Variants in TMOD1 observed in about 807,000 individuals in gnomAD.
TMOD1 encodes the protein tropomodulin-1.
In TMOD1, 17 loss-of-function variants were observed where a neutral mutation model predicts 40.6. The observed-to-expected ratio is 0.42, with a 90% CI of 0.29 to 0.63. The LOEUF is 0.63. Ranked by LOEUF, TMOD1 falls within the 20% of genes least tolerant of loss-of-function variation. TMOD1 has a pLI of 0.22. For synonymous variants in TMOD1, 181 were observed against 175.0 expected (o/e 1.03, Z -0.27); for missense variants, 391 against 447.6 (o/e 0.87, Z 1.14).
chr9:97,559,817 A>C (rs1353549160), intron 4 of TMOD1, among the ~76,000 whole-genome samples: 5,269 of 43,248 alleles, frequency 0.12, 392 homozygotes, highest in South Asian at 0.26. Flanking sequence ...ATATATATAT[A>C]TATATATGTC....
chr9:97,593,305 C>A (rs1038357867), intron 9 of TMOD1, among the ~76,000 whole-genome samples: 1 of 152,162 alleles, frequency 6.6e-6, no homozygotes, highest in African/African-American at 2.4e-5. Context: ...TGAAAACTCT[C>A]CCAGTCCTGT....
chr9:97,546,786 G>A (rs560752534), intron 3 of TMOD1, among the ~76,000 whole-genome samples: 38 of 151,958 alleles, frequency 2.5e-4, no homozygotes, highest in African/African-American at 7.0e-4. Context: ...AAAATTAGCC[G>A]AGCATGGTGG....
At chr9:97,566,474 C>T (rs1830729654) in intron 7 of TMOD1, among the ~76,000 whole-genome samples, 2 of 152,136 alleles carry the variant, frequency 1.3e-5, no homozygotes, top group East Asian at 3.9e-4. Flanking sequence ...AGTTCGAGAC[C>T]AGCCTGGCCA....
chr9:97,502,869 G>C lies in TMOD1; in HGVS notation c.-49+1066G>C, dbSNP rs1829527967. ...CAGGGGCAGTGGTTCCAGTACAGCC[G>C]CTCCCTGGCCACAGTTTCCCGGTCT... On this transcript the variant is annotated intron_variant, in intron 1 of 9. Coordinates refer to ENST00000259365, the MANE Select transcript of TMOD1 (RefSeq NM_003275.4). This position sits in a 1 kb window ranked among gnomAD's most constrained non-coding sequence, Gnocchi z 6.1. Among the ~76,000 whole-genome samples the C allele has an allele frequency of 1.3e-5, 2 of 152,154 alleles. No homozygotes were observed. The highest frequency in any genetic ancestry group is 6.5e-5 in the Admixed American group (1 of 15,278).
chr9:97,548,705 A>G (rs111421341), intron 3 of TMOD1, among the ~76,000 whole-genome samples: 3 of 152,288 alleles, frequency 2.0e-5, no homozygotes, highest in African/African-American at 7.2e-5. Context: ...CCAGAGCTGG[A>G]CTGTCTTCAT....
intron 1 of TMOD1, among the ~76,000 whole-genome samples, chr9:97,509,490 G>A (rs950242572): frequency 4.0e-5 from 6 of 148,920 alleles, no homozygotes; most frequent in African/African-American, 9.9e-5. Context: ...GTTTTTCTTC[G>A]CTAATAGAGG....
Position 97,601,564 on chromosome 9 carries a change from T to TATCA in TMOD1, c.*1867_*1870dup. ...ACATCTTTAAGGCCACCTCTGCCTCTATCAGATGAGCTGCTGGTCTAGATC... is the reference window on the plus strand; with the variant it reads ...ACATCTTTAAGGCCACCTCTGCCTCTATCAATCAGATGAGCTGCTGGTCTAGATC... On this transcript the variant is annotated 3_prime_UTR_variant, in exon 10 of 10. Coordinates refer to ENST00000259365, the MANE Select transcript of TMOD1 (RefSeq NM_003275.4). The TATCA allele has an allele frequency of 3.0e-6, 3 of 988,200 alleles. No individual in the cohort carries two copies. Among genetic ancestry groups the TATCA allele is most frequent in the Non-Finnish European group, 3.6e-6 (3 of 831,790 alleles). The allele number at this position is 988,200 out of a possible 1,614,324, so 61.2% of individuals were successfully genotyped here. A position where few individuals can be genotyped will look rare whatever the true frequency, so the allele number is the denominator to read the frequency against.
At position 97,601,731 on chromosome 9, in the gene TMOD1, G is replaced by A; in HGVS notation, c.*2033G>A. On this transcript the variant is annotated 3_prime_UTR_variant, in exon 10 of 10. Transcript: ENST00000259365. The stretch of plus-strand genomic sequence containing the variant: ...GTGTGGCTGTTCAATAAACTATACA[G>A]TTGACCCTTGAACAATATGGGTTTG... The A allele has an allele frequency of 3.8e-6, 1 of 265,042 alleles. No homozygotes were observed. The highest frequency in any genetic ancestry group is 5.8e-6 in the Non-Finnish European group (1 of 171,248). 16.4% of individuals were successfully genotyped at this position (265,042 alleles called of 1,614,324 possible).
intron 8 of TMOD1, among the ~76,000 whole-genome samples, chr9:97,581,475 A>G (rs1173251259): frequency 6.6e-6 from 1 of 152,066 alleles, no homozygotes; most frequent in Non-Finnish European, 1.5e-5. Flanking sequence ...GTGTCTTTAT[A>G]GCAGCATGAT....
At chr9:97,552,567 T>G (rs889594744) in intron 3 of TMOD1, among the ~76,000 whole-genome samples, 2 of 152,238 alleles carry the variant, frequency 1.3e-5, no homozygotes, top group Non-Finnish European at 2.9e-5. Context: ...TGTTGTTGAG[T>G]AAATAAATAT....
At chr9:97,524,497 G>GGTGT (rs71369515) in intron 2 of TMOD1, among the ~76,000 whole-genome samples, 189 bp downstream of exon 2, 30,368 of 142,710 alleles carry the variant, frequency 0.21, 3,575 homozygotes, top group Non-Finnish European at 0.26. Flanking sequence ...GAACCAATAG[G>GGTGT]GTGTGTGTGT....
chr9:97,565,362 T>G (rs1242053239), intron 6 of TMOD1, among the ~76,000 whole-genome samples: 2 of 152,178 alleles, frequency 1.3e-5, no homozygotes, highest in East Asian at 3.9e-4. Context: ...GAGTCTCTGA[T>G]GTGCCGCTGG....
In TMOD1 at chr9:97,502,124, C is replaced by T. The variant is rs1829511945; in HGVS notation, c.-49+321C>T. ...CCGGGGTTCTGGAGGAGACGGCGCC[C>T]CGGGCTGGGGTCCTGGCGGAGGGGC... On this transcript the variant is annotated intron_variant, in intron 1 of 9. Coordinates refer to ENST00000259365, the MANE Select transcript of TMOD1 (RefSeq NM_003275.4). The surrounding 1 kb of genome is among the most constrained non-coding windows in gnomAD (Gnocchi z 6.1). Among the ~76,000 whole-genome samples, 2 of 152,034 alleles carry T rather than the reference C, an allele frequency of 1.3e-5. No individual in the cohort carries two copies. Among genetic ancestry groups the T allele is most frequent in the Non-Finnish European group, 2.9e-5 (2 of 67,974 alleles).
Position 97,566,649 on chromosome 9 carries a change from C to T in TMOD1, c.726+694C>T, listed in dbSNP as rs113905449. Among the ~76,000 whole-genome samples, 266 of 151,744 alleles carry T rather than the reference C, an allele frequency of 1.8e-3. 1 individual carries two copies. The highest frequency in any genetic ancestry group is 6.1e-3 in the African/African-American group (250 of 41,316). On this transcript the variant is annotated intron_variant, in intron 7 of 9. Coordinates refer to ENST00000259365, the MANE Select transcript of TMOD1 (RefSeq NM_003275.4). ...TTGCACCACTATACTCCAGCTTGGG[C>T]GACAGAGCGAGGCTCCATCACAAAA...
At chr9:97,535,036 A>G (rs1458105911) in intron 2 of TMOD1, among the ~76,000 whole-genome samples, 1 of 152,174 alleles carries the variant, frequency 6.6e-6, no homozygotes, top group Non-Finnish European at 1.5e-5. Context: ...CTACTTGATG[A>G]AGGGAAGAGG....
In TMOD1 at chr9:97,518,044, C is replaced by T. The variant is rs143003107; in HGVS notation, c.-48-6097C>T. On this transcript the variant is annotated intron_variant, in intron 1 of 9. Coordinates refer to ENST00000259365, the MANE Select transcript of TMOD1 (RefSeq NM_003275.4). ...CCCATCGCCTCAGCTTCCACACGTC[C>T]GCGATGGGCCCCCCAGCTTCTCTTC... is the stretch of plus-strand genomic sequence containing the variant. 4.5e-4 allele frequency among the ~76,000 whole-genome samples: 69 copies of T among 152,336 alleles called. 2 individuals carry two copies. In the East Asian group the frequency reaches 0.011, roughly 24 times the overall value.
At position 97,552,127 on chromosome 9, in the gene TMOD1, A is replaced by G. The variant is rs79313404; in HGVS notation, c.278-1154A>G. On this transcript the variant is annotated intron_variant, in intron 3 of 9. Coordinates refer to ENST00000259365, the MANE Select transcript of TMOD1 (RefSeq NM_003275.4). The stretch of plus-strand genomic sequence containing the variant: ...ATAAGATTATGTCTTCTACAAATAG[A>G]AACAATTTTACTTCTTCCTTTCCAG... Among the ~76,000 whole-genome samples the G allele has an allele frequency of 9.1e-3, 1,380 of 152,282 alleles. 15 individuals carry two copies. The highest frequency in any genetic ancestry group is 0.041 in the Middle Eastern group (12 of 294).
At chr9:97,518,608 C>G (rs1467528317) in intron 1 of TMOD1, among the ~76,000 whole-genome samples, 3 of 152,200 alleles carry the variant, frequency 2.0e-5, no homozygotes, top group Non-Finnish European at 4.4e-5. Context: ...AATTGGCTAC[C>G]CTTGAGCCAG....
intron 8 of TMOD1, among the ~76,000 whole-genome samples, chr9:97,587,127 T>G (rs1016811960): frequency 6.6e-6 from 1 of 152,246 alleles, no homozygotes; most frequent in Non-Finnish European, 1.5e-5. Context: ...ATGGTGTGGA[T>G]GTACCAGGGT....
Sources: gnomAD v4.1 joint callset for allele counts (sites outside exome capture counted in the v4.1 genomes callset) on GRCh38, gnomAD v4.1.1 for gene constraint, Gnocchi (gnomAD v3.1) non-coding constraint, MANE v1.5 for transcripts, NCBI Gene and HGNC (gene_info 2026-07-23, HGNC 2026-07-21) for gene names.